SCOC: variants seen among roughly 807,000 people sequenced by gnomAD.
SCOC encodes the protein short coiled-coil protein, also known as short coiled coil protein.
SCOC carries 7 observed loss-of-function variants against 9.9 expected under a neutral mutation model. That is an observed-to-expected ratio of 0.71 (90% confidence interval 0.40 to 1.33). SCOC has a LOEUF of 1.33. Among genes scored for constraint, SCOC ranks in the 40% most tolerant of loss-of-function variants. The pLI, the probability that SCOC is intolerant of heterozygous loss-of-function variation, is 0.01. For missense variants in SCOC, 66 were observed against 89.7 expected (o/e 0.74, Z 1.07); for synonymous variants, 19 against 28.2 (o/e 0.67, Z 1.03).
chr4:140,367,067 G>A (rs1242145519), intron 2 of SCOC, among the ~76,000 whole-genome samples: 1 of 151,872 alleles, frequency 6.6e-6, no homozygotes, highest in Non-Finnish European at 1.5e-5. Flanking sequence ...TTAGCCGGGT[G>A]TCATGGCAGG....
intron 1 of SCOC, among the ~76,000 whole-genome samples, chr4:140,276,400 A>G (rs928794907): frequency 3.3e-5 from 5 of 152,032 alleles, no homozygotes; most frequent in African/African-American, 1.2e-4. Context: ...TGGCCTCCCA[A>G]AGTGCTGGGA....
chr4:140,320,935 G>A (rs188533461), intron 1 of SCOC, among the ~76,000 whole-genome samples: 9 of 152,206 alleles, frequency 5.9e-5, no homozygotes, highest in East Asian at 1.9e-4. Context: ...CTGATGCTTC[G>A]TAAGAATATA....
At chr4:140,378,365 G>GCATATTTATATATAT (rs1275405612) in intron 1 of SCOC, among the ~76,000 whole-genome samples, 6 of 151,712 alleles carry the variant, frequency 4.0e-5, no homozygotes, top group Non-Finnish European at 7.4e-5. Context: ...TGTTTTTTAT[G>GCATATTTATATATAT]CATATTTATA....
chr4:140,366,343 G>A, intron 2 of SCOC: 1 of 1,311,256 alleles, frequency 7.6e-7, no homozygotes, highest in East Asian at 2.4e-5. Context: ...TTCTGGGCAG[G>A]AAGCTTCTAA....
chr4:140,290,359 C>A (rs1033179859), intron 1 of SCOC, among the ~76,000 whole-genome samples: 1 of 152,192 alleles, frequency 6.6e-6, no homozygotes, highest in Non-Finnish European at 1.5e-5. Context: ...ACTTGGGACA[C>A]TCATTTGACA....
chr4:140,287,100 A>G (rs1560683424), intron 1 of SCOC, among the ~76,000 whole-genome samples: 1 of 152,010 alleles, frequency 6.6e-6, no homozygotes, highest in Admixed American at 6.5e-5. Flanking sequence ...GATACCATAG[A>G]TCACACATAT....
At chr4:140,262,324 T>C (rs1291885225) in intron 1 of SCOC, among the ~76,000 whole-genome samples, 2 of 152,158 alleles carry the variant, frequency 1.3e-5, no homozygotes, top group Non-Finnish European at 2.9e-5. Context: ...TTGCTGAAGA[T>C]TGAGGAGAAA....
intron 2 of SCOC, chr4:140,366,885 A>C: frequency 1.4e-6 from 1 of 710,872 alleles, no homozygotes; most frequent in Non-Finnish European, 2.6e-6. Context: ...GCAAGAAGGA[A>C]GAAGGCCAGG....
chr4:140,280,892 C>T (rs1393029866), intron 1 of SCOC, among the ~76,000 whole-genome samples: 1 of 152,102 alleles, frequency 6.6e-6, no homozygotes, highest in African/African-American at 2.4e-5. Flanking sequence ...GCTCCCAATA[C>T]ATTTGCGGAA....
At chr4:140,366,140 T>C in intron 2 of SCOC, 2 of 464,264 alleles carry the variant, frequency 4.3e-6, no homozygotes, top group Non-Finnish European at 3.8e-6. Context: ...CCTAGCATTT[T>C]AGAGCCTTGC....
intron 1 of SCOC, among the ~76,000 whole-genome samples, chr4:140,270,760 A>G (rs1268518908): frequency 6.6e-6 from 1 of 152,204 alleles, no homozygotes; most frequent in East Asian, 1.9e-4. Flanking sequence ...GTTGGTTACT[A>G]TCTCTAGGAG....
rs1202549253 is a variant in SCOC at position 140,382,056 on chromosome 4, G to T, written c.*952G>T. On this transcript the variant is annotated 3_prime_UTR_variant, in exon 4 of 4. Coordinates refer to ENST00000608372, the MANE Select transcript of SCOC (RefSeq NM_001153484.2). ...ATCTGGATGAGAACAGTTACAAAGA[G>T]TTTGGTCTCTAAGTTGATTTGTACC... 1 of 152,164 alleles carries T rather than the reference G, an allele frequency of 6.6e-6. No homozygotes were observed. The highest frequency in any genetic ancestry group is 1.5e-5 in the Non-Finnish European group (1 of 68,022). 9.4% of individuals were successfully genotyped at this position (152,164 alleles called of 1,614,324 possible).
chr4:140,262,461 A>G (rs1278089375), intron 1 of SCOC, among the ~76,000 whole-genome samples: 1 of 152,180 alleles, frequency 6.6e-6, no homozygotes. Context: ...GATTAAAACT[A>G]TAATCTCCAA....
chr4:140,285,418 G>C, intron 1 of SCOC: 1 of 383,470 alleles, frequency 2.6e-6, no homozygotes, highest in East Asian at 7.2e-5. Context: ...TGTGGGGTGT[G>C]GTTTACTGCT....
At chr4:140,282,252 T>C (rs1310538218) in intron 1 of SCOC, among the ~76,000 whole-genome samples, 1 of 152,232 alleles carries the variant, frequency 6.6e-6, no homozygotes, top group South Asian at 2.1e-4. Flanking sequence ...TGCAGGTCCC[T>C]TGATAGGGCT....
chr4:140,296,091 T>A (rs1268307328), intron 1 of SCOC, among the ~76,000 whole-genome samples: 1 of 152,040 alleles, frequency 6.6e-6, no homozygotes, highest in East Asian at 1.9e-4. Context: ...GGATGATTGT[T>A]ATGAGAATGA....
chr4:140,296,559 G>C (rs1731642801), intron 1 of SCOC, among the ~76,000 whole-genome samples: 1 of 152,148 alleles, frequency 6.6e-6, no homozygotes, highest in Non-Finnish European at 1.5e-5. Context: ...AGCCTCTCTC[G>C]CTGATGCCAT....
chr4:140,277,204 C>T (rs964618049), intron 1 of SCOC, among the ~76,000 whole-genome samples: 1 of 152,004 alleles, frequency 6.6e-6, no homozygotes, highest in Non-Finnish European at 1.5e-5. Flanking sequence ...TTAACAAAGA[C>T]TCAAGCCTAT....
At chr4:140,304,598 C>T (rs959753670) in intron 1 of SCOC, among the ~76,000 whole-genome samples, 1 of 152,174 alleles carries the variant, frequency 6.6e-6, no homozygotes, top group Non-Finnish European at 1.5e-5. Context: ...GTCTTCATTA[C>T]TTGCAGGCAG....
Sources: gnomAD v4.1 joint callset for allele counts (sites outside exome capture counted in the v4.1 genomes callset) on GRCh38, gnomAD v4.1.1 for gene constraint, MANE v1.5 for transcripts, NCBI Gene and HGNC (gene_info 2026-07-23, HGNC 2026-07-21) for gene names.